THSD7B: variants seen among roughly 807,000 people sequenced by gnomAD.
THSD7B encodes the protein thrombospondin type-1 domain-containing protein 7B.
Under a neutral mutation model 213.6 loss-of-function variants are expected in THSD7B, and 138 were observed. That is an observed-to-expected ratio of 0.65 (90% confidence interval 0.56 to 0.74). THSD7B has a LOEUF of 0.74. THSD7B is among the 30% of genes least tolerant of loss of function. THSD7B has a pLI of 0.00. For missense variants in THSD7B, 1,931 were observed against 1,991.5 expected (o/e 0.97, Z 0.58); for synonymous variants, 742 against 687.0 (o/e 1.08, Z -1.25).
At chr2:137,216,215 C>G (rs13386816) in intron 7 of THSD7B, among the ~76,000 whole-genome samples, 8,536 of 151,572 alleles carry the variant, frequency 0.056, 642 homozygotes, top group African/African-American at 0.17. Flanking sequence ...GCTTTGCACA[C>G]ATAAGTATAA....
chr2:136,897,226 T>C (rs1396954960), intron 2 of THSD7B, among the ~76,000 whole-genome samples: 2 of 152,160 alleles, frequency 1.3e-5, no homozygotes, highest in South Asian at 2.1e-4. Flanking sequence ...TTCCGGTGGG[T>C]TCTTGGTCTC....
intron 4 of THSD7B, among the ~76,000 whole-genome samples, chr2:137,113,765 A>G: frequency 6.6e-6 from 1 of 152,118 alleles, no homozygotes; most frequent in East Asian, 1.9e-4. Context: ...ATATTCACCT[A>G]GGATAGGAAG....
chr2:137,656,137 A>G (rs1012915445), intron 22 of THSD7B, among the ~76,000 whole-genome samples: 3 of 152,348 alleles, frequency 2.0e-5, no homozygotes, highest in East Asian at 1.9e-4. Flanking sequence ...TATAAATTTT[A>G]TTAGTTACAT....
At chr2:137,073,000 G>C (rs1687530432) in intron 3 of THSD7B, among the ~76,000 whole-genome samples, 1 of 151,928 alleles carries the variant, frequency 6.6e-6, no homozygotes, top group Admixed American at 6.6e-5. Context: ...GCTGGATTCA[G>C]TTTGCCAGTA....
chr2:137,604,099 G>A (rs1039024681), intron 17 of THSD7B, among the ~76,000 whole-genome samples: 2 of 150,584 alleles, frequency 1.3e-5, no homozygotes, highest in African/African-American at 4.9e-5. Context: ...ACTCTATCTC[G>A]AAAAAAAATA....
chr2:137,141,469 A>T (rs1421609001), intron 5 of THSD7B, among the ~76,000 whole-genome samples: 1 of 139,820 alleles, frequency 7.2e-6, no homozygotes, highest in East Asian at 2.1e-4. Flanking sequence ...ATTGCGTAGA[A>T]ACACACATGT....
intron 15 of THSD7B, among the ~76,000 whole-genome samples, chr2:137,470,702 T>A (rs1459835714): frequency 6.6e-6 from 1 of 152,274 alleles, no homozygotes; most frequent in Admixed American, 6.5e-5. Flanking sequence ...CTACCAGCTG[T>A]CAATTTTTAA....
intron 3 of THSD7B, among the ~76,000 whole-genome samples, chr2:137,070,709 C>A (rs1026129894): frequency 6.6e-6 from 1 of 152,032 alleles, no homozygotes; most frequent in African/African-American, 2.4e-5. Flanking sequence ...CTATCCCTCC[C>A]CCTGTCCCCC....
intron 12 of THSD7B, among the ~76,000 whole-genome samples, chr2:137,395,558 G>C (rs1431381806): frequency 6.6e-6 from 1 of 151,914 alleles, no homozygotes; most frequent in African/African-American, 2.4e-5. Context: ...TGCTGGATTT[G>C]TTTTGCCAGT....
At chr2:137,409,503 T>C (rs1033861989) in intron 13 of THSD7B, among the ~76,000 whole-genome samples, 1 of 152,056 alleles carries the variant, frequency 6.6e-6, no homozygotes, top group African/African-American at 2.4e-5. Context: ...GTGTGATTGG[T>C]TCTTTAGATG....
intron 1 of THSD7B, among the ~76,000 whole-genome samples, chr2:136,841,218 C>T (rs979277094): frequency 1.3e-5 from 2 of 152,072 alleles, no homozygotes; most frequent in East Asian, 3.9e-4. Flanking sequence ...TGTCTGACTC[C>T]GTAGTGTGCT....
At chr2:137,369,631 G>A (rs940128420) in intron 12 of THSD7B, among the ~76,000 whole-genome samples, 8 of 152,142 alleles carry the variant, frequency 5.3e-5, no homozygotes, top group South Asian at 4.1e-4. Context: ...GCCTTTCCAC[G>A]CAACTCAGTA....
At position 137,275,939 on chromosome 2, in the gene THSD7B, T is replaced by C. The variant is rs1219196066; in HGVS notation, c.2413T>C (p.Trp805Arg). The C allele has an allele frequency of 6.2e-7, 1 of 1,611,742 alleles. No individual in the cohort carries two copies. The highest frequency in any genetic ancestry group is 8.5e-7 in the Non-Finnish European group (1 of 1,178,690). ...CPVYRWKPQK[W>R]SPCILVPESV... ...TAATCACAGGTGGAAGCCACAGAAA[T>C]GGAGCCCTTGCATCTTAGTGCCAGA... Residue 805 changes from tryptophan to arginine, a missense_variant, in exon 12 of 28, where the codon TGG becomes CGG. Trp to Arg is a moderately radical substitution (Grantham distance 101, BLOSUM62 -3). Coordinates refer to ENST00000409968, the MANE Select transcript of THSD7B (RefSeq NM_001316349.2).
intron 2 of THSD7B, among the ~76,000 whole-genome samples, chr2:136,914,335 C>T (rs1292731565): frequency 6.6e-6 from 1 of 152,168 alleles, no homozygotes; most frequent in Non-Finnish European, 1.5e-5. Flanking sequence ...AGTGACTTGT[C>T]TCAGATGAGA....
At chr2:136,945,590 G>T (rs1348306319) in intron 2 of THSD7B, among the ~76,000 whole-genome samples, 1 of 152,074 alleles carries the variant, frequency 6.6e-6, no homozygotes, top group South Asian at 2.1e-4. Context: ...TATTCTCCCA[G>T]TCACTTTCAG....
intron 10 of THSD7B, among the ~76,000 whole-genome samples, chr2:137,243,637 A>G (rs1407788863): frequency 1.3e-5 from 2 of 152,220 alleles, no homozygotes; most frequent in Non-Finnish European, 2.9e-5. Context: ...TCTTTGACTC[A>G]CATATCTATA....
intron 17 of THSD7B, among the ~76,000 whole-genome samples, chr2:137,606,146 G>T (rs1326646057): frequency 6.6e-6 from 1 of 152,176 alleles, no homozygotes; most frequent in African/African-American, 2.4e-5. Context: ...ACATCTTTCA[G>T]GAAGAGAATG....
At chr2:137,230,229 G>A (rs1488856330) in intron 7 of THSD7B, among the ~76,000 whole-genome samples, 1 of 152,188 alleles carries the variant, frequency 6.6e-6, no homozygotes, top group East Asian at 1.9e-4. Context: ...TATCCCTTTA[G>A]TCCTAACATC....
At chr2:136,814,673 C>T (rs765652530) in intron 1 of THSD7B, among the ~76,000 whole-genome samples, 1 of 152,208 alleles carries the variant, frequency 6.6e-6, no homozygotes, top group Non-Finnish European at 1.5e-5. Flanking sequence ...GCTGGGATTA[C>T]AGACGTGGTT....
Sources: allele counts gnomAD v4.1 joint callset (sites outside exome capture counted in the v4.1 genomes callset), GRCh38; gene constraint gnomAD v4.1.1; transcripts MANE v1.5; gene names NCBI Gene and HGNC (gene_info 2026-07-23, HGNC 2026-07-21).